The following ARL8B variants were observed in gnomAD, a reference collection of about 807,000 sequenced individuals.
The protein encoded by ARL8B is ADP-ribosylation factor-like protein 8B.
ARL8B carries 9 observed loss-of-function variants against 30.6 expected under a neutral mutation model. The observed-to-expected ratio is 0.29, with a 90% CI of 0.18 to 0.51. The LOEUF (loss-of-function observed/expected upper bound fraction) is 0.51. Among genes scored for constraint, ARL8B ranks in the 20% least tolerant of loss-of-function variants. The probability of loss-of-function intolerance (pLI) is 0.97; values close to 1 mark genes in which losing one functional copy is unlikely to be tolerated. For synonymous variants in ARL8B, 74 were observed against 76.0 expected (o/e 0.97, Z 0.14); for missense variants, 130 against 227.2 (o/e 0.57, Z 2.75).
At chr3:5,125,045 T>C (rs1326579377) in intron 1 of ARL8B, among the ~76,000 whole-genome samples, 1 of 152,230 alleles carries the variant, frequency 6.6e-6, no homozygotes, top group Admixed American at 6.5e-5. Context: ...GTAGACAGTG[T>C]AGCTTAATGA....
At chr3:5,129,676 A>G (rs2054264784) in intron 1 of ARL8B, among the ~76,000 whole-genome samples, 1 of 152,024 alleles carries the variant, frequency 6.6e-6, no homozygotes, top group Non-Finnish European at 1.5e-5. Context: ...CCTCCCAAGT[A>G]GTAGGGACCA....
At chr3:5,133,249 C>T (rs1478448601) in intron 1 of ARL8B, among the ~76,000 whole-genome samples, 1 of 152,160 alleles carries the variant, frequency 6.6e-6, no homozygotes, top group Non-Finnish European at 1.5e-5. Flanking sequence ...AGGGCCTTGA[C>T]TGAGTGTGAC....
At chr3:5,124,096 T>C (rs570974490) in intron 1 of ARL8B, among the ~76,000 whole-genome samples, 5 of 152,218 alleles carry the variant, frequency 3.3e-5, no homozygotes, top group Non-Finnish European at 7.4e-5. Flanking sequence ...TCAAAACTCC[T>C]GACCTCATGT....
intron 6 of ARL8B, 117 bp downstream of exon 6, chr3:5,174,531 GC>G (rs1288509348): frequency 6.2e-5 from 43 of 689,690 alleles, no homozygotes; most frequent in Admixed American, 4.7e-4. Flanking sequence ...GAATACTGTT[GC>G]TTTTGCCTGA....
chr3:5,139,896 G>T (rs1013438164), intron 1 of ARL8B, among the ~76,000 whole-genome samples: 1 of 152,126 alleles, frequency 6.6e-6, no homozygotes, highest in African/African-American at 2.4e-5. Flanking sequence ...GCAGTGCAAG[G>T]CTTGCAGGGC....
At chr3:5,126,053 A>G (rs2054227625) in intron 1 of ARL8B, among the ~76,000 whole-genome samples, 1 of 152,150 alleles carries the variant, frequency 6.6e-6, no homozygotes. Flanking sequence ...GAAAAAAGAC[A>G]TCTGGGCTGT....
At chr3:5,147,954 T>A (rs1320507103) in intron 1 of ARL8B, among the ~76,000 whole-genome samples, 1 of 151,136 alleles carries the variant, frequency 6.6e-6, no homozygotes, top group Non-Finnish European at 1.5e-5. Context: ...CTTTAATTAT[T>A]CTCTGAGGTC....
At chr3:5,133,210 G>C (rs780614759) in intron 1 of ARL8B, among the ~76,000 whole-genome samples, 1 of 128,690 alleles carries the variant, frequency 7.8e-6, no homozygotes, top group African/African-American at 3.4e-5. Flanking sequence ...AGAAACAAAG[G>C]CTGGAAAAGT....
intron 1 of ARL8B, among the ~76,000 whole-genome samples, chr3:5,152,389 A>G (rs1231202531): frequency 6.6e-6 from 1 of 152,208 alleles, no homozygotes; most frequent in East Asian, 1.9e-4. Context: ...TGATATTAAA[A>G]TAATTATTTC....
At chr3:5,172,353 G>A (rs946077416) in intron 3 of ARL8B, 130 bp downstream of exon 3, 2 of 795,044 alleles carry the variant, frequency 2.5e-6, no homozygotes, top group Non-Finnish European at 4.1e-6. Flanking sequence ...TAATATCCTA[G>A]TGTAATTCCC....
chr3:5,156,460 A>G (rs2054534328), intron 1 of ARL8B, among the ~76,000 whole-genome samples: 1 of 150,232 alleles, frequency 6.7e-6, no homozygotes, highest in Non-Finnish European at 1.5e-5. Flanking sequence ...ATTGTCACCC[A>G]GGTTGGAGTG....
rs2054766967 is a variant in ARL8B at position 5,180,256 on chromosome 3, T to G, written c.*1543T>G. On this transcript the variant is annotated 3_prime_UTR_variant, in exon 7 of 7. Coordinates refer to ENST00000256496, the MANE Select transcript of ARL8B (RefSeq NM_018184.3). ...CTGCACTGTGTTGCACAGACACTAC[T>G]TGCTTTTCTCCATTCATATTTTTAT... is the stretch of plus-strand genomic sequence containing the variant. The G allele has an allele frequency of 6.5e-6, 1 of 152,682 alleles. No individual in the cohort carries two copies. Among genetic ancestry groups the G allele is most frequent in the African/African-American group, 2.4e-5 (1 of 41,480 alleles). 9.5% of individuals were successfully genotyped at this position (152,682 alleles called of 1,614,324 possible).
intron 1 of ARL8B, among the ~76,000 whole-genome samples, chr3:5,160,704 A>G (rs538123384): frequency 2.6e-5 from 4 of 152,212 alleles, no homozygotes; most frequent in Non-Finnish European, 5.9e-5. Flanking sequence ...ATGTGATATG[A>G]CCAGTTGATC....
chr3:5,180,603 C>T lies in ARL8B; in HGVS notation c.*1890C>T, dbSNP rs1387021232. 1.3e-5 allele frequency: 2 copies of T among 152,656 alleles called. No homozygotes were observed. Among genetic ancestry groups the T allele is most frequent in the Non-Finnish European group, 1.5e-5 (1 of 68,044 alleles). The allele number at this position is 152,656 out of a possible 1,614,324, so 9.5% of individuals were successfully genotyped here. On this transcript the variant is annotated 3_prime_UTR_variant, in exon 7 of 7. Transcript: ENST00000256496. ...ATCCAGACGCTATTACCAACATTTT[C>T]CTGTGCATTAACCTCTGCATGTGAA... is the stretch of plus-strand genomic sequence containing the variant.
At position 5,123,862 on chromosome 3, in the gene ARL8B, C is replaced by G. The variant is rs2054204995; in HGVS notation, c.123+1274C>G. On this transcript the variant is annotated intron_variant, in intron 1 of 6. Transcript: ENST00000256496. ...ACCTGCTTGTTGTTCGGCTCCTTTT[C>G]TAGTAGTATTATTATTAATTTTTTT... Among the ~76,000 whole-genome samples, 3 of 152,242 alleles carry G rather than the reference C, an allele frequency of 2.0e-5. No homozygotes were observed. The South Asian group carries it at 6.2e-4, about 32-fold the overall frequency.
In ARL8B at chr3:5,122,567, C is replaced by G. The variant is rs143079086; in HGVS notation, c.102C>G (p.Thr34=). Residue 34 remains threonine, a synonymous_variant, in exon 1 of 7, where the codon ACC becomes ACG. Coordinates refer to ENST00000256496, the MANE Select transcript of ARL8B (RefSeq NM_018184.3). The stretch of plus-strand genomic sequence containing the variant: ...TGGGGCTGCAGTACTCGGGCAAGAC[C>G]ACCTTCGTCAATGTCATCGCGGTGA... ...TLVGLQYSGK[T]TFVNVIASGQ... 1 of 1,606,038 alleles carries G rather than the reference C, an allele frequency of 6.2e-7. No homozygotes were observed. Among genetic ancestry groups the G allele is most frequent in the African/African-American group, 1.3e-5 (1 of 74,512 alleles).
chr3:5,176,229 T>G (rs1332535638), intron 6 of ARL8B, among the ~76,000 whole-genome samples: 1 of 152,062 alleles, frequency 6.6e-6, no homozygotes, highest in Non-Finnish European at 1.5e-5. Flanking sequence ...AAACATGGCT[T>G]TATTTATTTT....
chr3:5,162,133 T>C (rs2054589673), intron 1 of ARL8B, among the ~76,000 whole-genome samples: 1 of 152,212 alleles, frequency 6.6e-6, no homozygotes, highest in Non-Finnish European at 1.5e-5. Context: ...ACTGGATCAT[T>C]TGTGTAGCAG....
At chr3:5,148,535 G>A (rs918737447) in intron 1 of ARL8B, among the ~76,000 whole-genome samples, 5 of 152,138 alleles carry the variant, frequency 3.3e-5, no homozygotes, top group Admixed American at 6.5e-5. Flanking sequence ...GGGGGCATGC[G>A]TGATAGGTGG....
Sources: gnomAD v4.1 joint callset for allele counts (sites outside exome capture counted in the v4.1 genomes callset) on GRCh38, gnomAD v4.1.1 for gene constraint, MANE v1.5 for transcripts, NCBI Gene and HGNC (gene_info 2026-07-23, HGNC 2026-07-21) for gene names.